The following UNC79 variants were observed in gnomAD, a reference collection of about 807,000 sequenced individuals.
The protein encoded by UNC79 is protein unc-79 homolog.
UNC79 carries 37 observed loss-of-function variants against 283.1 expected under a neutral mutation model. The observed-to-expected ratio is 0.13, with a 90% CI of 0.10 to 0.17. The LOEUF is 0.17. Ranked by LOEUF, UNC79 falls within the 10% of genes least tolerant of loss-of-function variation. The pLI is 1.00. For synonymous variants in UNC79, 1,107 were observed against 1,200.2 expected (o/e 0.92, Z 1.61); for missense variants, 2,272 against 3,211.1 (o/e 0.71, Z 7.07).
At chr14:93,620,186 C>T (rs1054670902) in intron 29 of UNC79, among the ~76,000 whole-genome samples, 1 of 152,186 alleles carries the variant, frequency 6.6e-6, no homozygotes, top group South Asian at 2.1e-4. Context: ...AATAGTTACA[C>T]GTGGTAAGCG....
chr14:93,500,273 T>G (rs1055873110), intron 7 of UNC79, among the ~76,000 whole-genome samples: 1 of 152,210 alleles, frequency 6.6e-6, no homozygotes, highest in Non-Finnish European at 1.5e-5. Flanking sequence ...CGTACCAAGA[T>G]GTCTCTGTCT....
chr14:93,611,187 A>G (rs1048166915), intron 26 of UNC79, among the ~76,000 whole-genome samples: 1 of 152,208 alleles, frequency 6.6e-6, no homozygotes, highest in African/African-American at 2.4e-5. Flanking sequence ...TTTTATTTGA[A>G]TAATTTTTGA....
exon 19 of UNC79, chr14:93,580,346 A>G: frequency 6.2e-7 from 1 of 1,613,936 alleles, no homozygotes; most frequent in Non-Finnish European, 8.5e-7. Flanking sequence ...TCCTGGAGAG[A>G]CTAGCTCCTA....
chr14:93,538,357 G>A (rs1017449561), intron 12 of UNC79, 139 bp downstream of exon 12: 1 of 871,054 alleles, frequency 1.1e-6, no homozygotes, highest in South Asian at 2.2e-5. Flanking sequence ...GTGTTGTAAT[G>A]ATGCTATTTT....
chr14:93,467,628 C>G, intron 1 of UNC79, 43 bp from the exon 2 acceptor site: 2 of 761,392 alleles, frequency 2.6e-6, no homozygotes, highest in Non-Finnish European at 3.0e-6. Context: ...TTTCTTCTTC[C>G]TTTTTTTTTT....
chr14:93,686,744 A>G, intron 43 of UNC79, 83 bp downstream of exon 46: 1 of 1,494,200 alleles, frequency 6.7e-7, no homozygotes, highest in Admixed American at 1.8e-5. Flanking sequence ...TAGGGAACTT[A>G]TCGCTACCTG....
At chr14:93,666,641 T>G (rs1010974422) in intron 40 of UNC79, among the ~76,000 whole-genome samples, 1 of 152,102 alleles carries the variant, frequency 6.6e-6, no homozygotes, top group Non-Finnish European at 1.5e-5. Flanking sequence ...CAAAGATAAA[T>G]TGATAAATTC....
intron 7 of UNC79, among the ~76,000 whole-genome samples, chr14:93,517,508 CTGTT>C (rs1174946117): frequency 1.5e-4 from 22 of 149,102 alleles, no homozygotes; most frequent in Non-Finnish European, 3.0e-4. Flanking sequence ...AAATTACTGT[CTGTT>C]CTTAGTTTGC....
intron 1 of UNC79, among the ~76,000 whole-genome samples, chr14:93,400,172 C>T (rs894310491): frequency 3.3e-5 from 5 of 152,102 alleles, no homozygotes; most frequent in Non-Finnish European, 7.4e-5. Flanking sequence ...ATATTTTATG[C>T]TCCTTTAGCG....
chr14:93,387,261 GTTTC>G (rs1180324413), intron 1 of UNC79, among the ~76,000 whole-genome samples: 2 of 151,742 alleles, frequency 1.3e-5, no homozygotes, highest in African/African-American at 4.8e-5. Context: ...GATCTTTATT[GTTTC>G]TTTCTTCTAT....
intron 7 of UNC79, among the ~76,000 whole-genome samples, chr14:93,514,039 G>A (rs1365560333): frequency 6.6e-6 from 1 of 152,076 alleles, no homozygotes; most frequent in Non-Finnish European, 1.5e-5. Context: ...GGAAACTAGA[G>A]AAAGAAGAGC....
intron 30 of UNC79, among the ~76,000 whole-genome samples, chr14:93,629,819 G>A (rs1323069774): frequency 6.6e-6 from 1 of 152,204 alleles, no homozygotes; most frequent in African/African-American, 2.4e-5. Flanking sequence ...AAGCCATTTA[G>A]GGTTGACATC....
intron 1 of UNC79, among the ~76,000 whole-genome samples, chr14:93,342,647 C>T (rs111427771): frequency 5.9e-4 from 90 of 152,320 alleles, no homozygotes; most frequent in African/African-American, 1.9e-3. Context: ...GCAAATTTTC[C>T]AAACTTTTAT....
rs140500591 is a variant in UNC79 at position 93,682,594 on chromosome 14, T to C, written c.6742-23T>C. On this transcript the variant is annotated intron_variant, in intron 41 of 48. Coordinates refer to ENST00000555664, the Ensembl canonical transcript of UNC79. The stretch of plus-strand genomic sequence containing the variant: ...AATGTCCAGATACCCTTAAAAATAA[T>C]TATCCTTTCACTTTTTTATTAGTTT... The C allele has an allele frequency of 1.3e-3, 2,108 of 1,602,246 alleles. 25 individuals carry two copies. In the African/African-American group the frequency reaches 0.025, roughly 19 times the overall value.
At chr14:93,568,655 G>A (rs1046214010) in intron 14 of UNC79, among the ~76,000 whole-genome samples, 8 of 151,642 alleles carry the variant, frequency 5.3e-5, no homozygotes, top group Non-Finnish European at 1.2e-4. Flanking sequence ...TGGGTAACAG[G>A]AGCGAAACTC....
At chr14:93,402,185 G>A (rs941606566) in intron 1 of UNC79, among the ~76,000 whole-genome samples, 1 of 149,930 alleles carries the variant, frequency 6.7e-6, no homozygotes, top group African/African-American at 2.5e-5. Context: ...GCTGAGGCAG[G>A]AGAATTGCTT....
At chr14:93,333,487 C>G (rs2053501504) in exon 1 of UNC79, 1 of 398,460 alleles carries the variant, frequency 2.5e-6, no homozygotes, top group Non-Finnish European at 4.4e-6. Flanking sequence ...TCCTGGCATT[C>G]CGGTGGCTGC....
At chr14:93,597,650 CATAAACTGGGTA>C in intron 24 of UNC79, 110 bp downstream of exon 24, 1 of 1,189,748 alleles carries the variant, frequency 8.4e-7, no homozygotes, top group Non-Finnish European at 1.1e-6. Context: ...AACAGAATAC[CATAAACTGGGTA>C]GTTTATAAAC....
chr14:93,618,230 G>A (rs752802773), exon 29 of UNC79: 1 of 1,613,748 alleles, frequency 6.2e-7, no homozygotes, highest in Non-Finnish European at 8.5e-7. Context: ...AGATCCTGCT[G>A]CATCTGATTC....
Sources: gnomAD v4.1 joint callset for allele counts (sites outside exome capture counted in the v4.1 genomes callset) on GRCh38, gnomAD v4.1.1 for gene constraint, MANE v1.5 for transcripts, NCBI Gene and HGNC (gene_info 2026-07-23, HGNC 2026-07-21) for gene names.